The following GNG12 variants were observed in gnomAD, a reference collection of about 807,000 sequenced individuals.
GNG12 encodes the protein guanine nucleotide-binding protein G(I)/G(S)/G(O) subunit gamma-12.
For synonymous variants in GNG12, 28 were observed against 29.7 expected (o/e 0.94, Z 0.19); for missense variants, 69 against 83.8 (o/e 0.82, Z 0.69).
rs74742681 is a variant in GNG12, at chr1:67,762,124, C to G, written c.-27+15334G>C. On this transcript the variant is annotated intron_variant, in intron 2 of 3. Coordinates refer to ENST00000370982, the MANE Select transcript of GNG12 (RefSeq NM_018841.6). ...AGCTTTTCCAAATGGCAAGCTCTCA[C>G]TGAACTTTCTAGGGCTACAGATCAA... is the stretch of plus-strand genomic sequence containing the variant. Among the ~76,000 whole-genome samples the G allele has an allele frequency of 5.3e-3, 805 of 152,310 alleles. 8 individuals carry two copies. The highest frequency in any genetic ancestry group is 0.018 in the African/African-American group (766 of 41,574).
chr1:67,802,156 G>T lies in GNG12; in HGVS notation c.-76-24649C>A, dbSNP rs987399199. ...TTCAAGCCTGGGTGACCAGAGGAAT[G>T]AACTCATATGAAGGGGCCAAGGAGG... On this transcript the variant is annotated intron_variant, in intron 1 of 3. Coordinates refer to ENST00000370982, the MANE Select transcript of GNG12 (RefSeq NM_018841.6). Among the ~76,000 whole-genome samples, 11 of 152,244 alleles carry T rather than the reference G, an allele frequency of 7.2e-5. 1 individual carries two copies. The highest frequency in any genetic ancestry group is 4.6e-4 in the Admixed American group (7 of 15,298).
At chr1:67,832,260 C>T (rs938131057) in intron 1 of GNG12, 2 of 152,224 alleles carry the variant, frequency 1.3e-5, no homozygotes, top group East Asian at 1.9e-4. Flanking sequence ...GGCGCAGGAA[C>T]CTCCCTTCTA....
intron 1 of GNG12, among the ~76,000 whole-genome samples, chr1:67,789,754 C>G (rs1356257433): frequency 2.6e-5 from 4 of 152,188 alleles, no homozygotes; most frequent in African/African-American, 7.2e-5. Context: ...GGGTTTGTTT[C>G]CACTCTGCCA....
intron 2 of GNG12, among the ~76,000 whole-genome samples, chr1:67,768,610 C>A (rs1164590620): frequency 6.6e-6 from 1 of 152,190 alleles, no homozygotes; most frequent in African/African-American, 2.4e-5. Context: ...GCTAAGTTCA[C>A]TATGTGCAGT....
chr1:67,749,589 T>G (rs1299885528), intron 2 of GNG12, among the ~76,000 whole-genome samples: 1 of 152,176 alleles, frequency 6.6e-6, no homozygotes, highest in Non-Finnish European at 1.5e-5. Flanking sequence ...TGCTGATTGC[T>G]GCCCCCAGGA....
intron 2 of GNG12, among the ~76,000 whole-genome samples, chr1:67,726,723 T>C (rs1646388559): frequency 6.6e-6 from 1 of 152,256 alleles, no homozygotes; most frequent in African/African-American, 2.4e-5. Context: ...AATGCACATC[T>C]CTAAATCAAA....
chr1:67,706,083 GAGAGAGAC>G (rs1646245881), intron 3 of GNG12, among the ~76,000 whole-genome samples: 1 of 152,176 alleles, frequency 6.6e-6, no homozygotes, highest in South Asian at 2.1e-4. Context: ...CAGAAGGAGG[GAGAGAGAC>G]AGTGCAAGCA....
At chr1:67,819,214 G>A (rs945926584) in intron 1 of GNG12, among the ~76,000 whole-genome samples, 4 of 152,060 alleles carry the variant, frequency 2.6e-5, no homozygotes, top group South Asian at 2.1e-4. Context: ...GGAGGGAGGC[G>A]TTCCTGATGA....
intron 1 of GNG12, among the ~76,000 whole-genome samples, chr1:67,780,311 T>A (rs928227439): frequency 2.6e-5 from 4 of 152,176 alleles, no homozygotes; most frequent in African/African-American, 9.7e-5. Flanking sequence ...AGTCAAATTG[T>A]AAACCCAGAC....
intron 1 of GNG12, among the ~76,000 whole-genome samples, chr1:67,778,305 G>A (rs989003824): frequency 3.9e-5 from 6 of 151,958 alleles, no homozygotes; most frequent in African/African-American, 7.3e-5. Flanking sequence ...GATTCAGTAC[G>A]TCTCAACTTG....
chr1:67,766,106 GCA>G (rs59348663), intron 2 of GNG12, among the ~76,000 whole-genome samples: 2,766 of 139,868 alleles, frequency 0.02, 36 homozygotes, highest in African/African-American at 0.038. Flanking sequence ...AGGCACACAC[GCA>G]CACACACACA....
intron 2 of GNG12, among the ~76,000 whole-genome samples, chr1:67,733,489 T>A (rs1467550245): frequency 6.6e-6 from 1 of 152,220 alleles, no homozygotes; most frequent in Admixed American, 6.5e-5. Flanking sequence ...CATATTTGCA[T>A]ATGGTTCTGC....
intron 1 of GNG12, among the ~76,000 whole-genome samples, chr1:67,826,376 T>G (rs532643158): frequency 1.2e-4 from 18 of 152,348 alleles, no homozygotes; most frequent in African/African-American, 4.3e-4. Context: ...AGCCTCCCAT[T>G]TGCCTCCTTG....
intron 1 of GNG12, among the ~76,000 whole-genome samples, chr1:67,827,454 C>A (rs1647017511): frequency 6.6e-6 from 1 of 151,712 alleles, no homozygotes; most frequent in Non-Finnish European, 1.5e-5. Context: ...AAGATGGCAT[C>A]TTGCTCTGTT....
chr1:67,731,403 AAG>A (rs973230764), intron 2 of GNG12, among the ~76,000 whole-genome samples: 1 of 152,230 alleles, frequency 6.6e-6, no homozygotes, highest in Non-Finnish European at 1.5e-5. Flanking sequence ...AAGCAGAAAG[AAG>A]AGAGAGAGAT....
intron 1 of GNG12, among the ~76,000 whole-genome samples, chr1:67,802,057 A>T (rs1646868991): frequency 6.6e-6 from 1 of 152,126 alleles, no homozygotes; most frequent in Admixed American, 6.5e-5. Flanking sequence ...TGCCAGAGGG[A>T]GAGCAAATCT....
chr1:67,799,488 C>G (rs1276312), intron 1 of GNG12, among the ~76,000 whole-genome samples: 111,381 of 152,034 alleles, frequency 0.73, 40,946 homozygotes, highest in Middle Eastern at 0.8. Flanking sequence ...TAGTTAGGTA[C>G]TGCCAATGAA....
chr1:67,776,747 C>T (rs1646707683), intron 2 of GNG12, among the ~76,000 whole-genome samples: 1 of 152,066 alleles, frequency 6.6e-6, no homozygotes, highest in Admixed American at 6.5e-5. Flanking sequence ...CACCAACCCA[C>T]AGAATGGCAA....
chr1:67,760,829 G>A (rs1264014043), intron 2 of GNG12, among the ~76,000 whole-genome samples: 2 of 152,208 alleles, frequency 1.3e-5, no homozygotes, highest in Non-Finnish European at 2.9e-5. Flanking sequence ...AATAGGAGGG[G>A]AAGATAAACA....
Sources: gnomAD v4.1 joint callset for allele counts (sites outside exome capture counted in the v4.1 genomes callset) on GRCh38, gnomAD v4.1.1 for gene constraint, MANE v1.5 for transcripts, NCBI Gene and HGNC (gene_info 2026-07-23, HGNC 2026-07-21) for gene names.